NRG3: variants seen among roughly 807,000 people sequenced by gnomAD.
The protein encoded by NRG3 is pro-neuregulin-3, membrane-bound isoform.
In NRG3, 31 loss-of-function variants were observed where a neutral mutation model predicts 66.9. The observed-to-expected ratio is 0.46, with a 90% CI of 0.35 to 0.63. The LOEUF (loss-of-function observed/expected upper bound fraction) is 0.63, where lower values mean the gene tolerates loss of function less well. Ranked by LOEUF, NRG3 falls within the 20% of genes least tolerant of loss-of-function variation. The probability of loss-of-function intolerance (pLI) is 0.00; values close to 1 mark genes in which losing one functional copy is unlikely to be tolerated. For missense variants in NRG3, 910 were observed against 878.9 expected, an observed-to-expected ratio of 1.04 and a Z score of -0.45; for synonymous variants, 393 against 359.4, an observed-to-expected ratio of 1.09 and a Z score of -1.06.
At chr10:82,320,729 C>T (rs976113378) in intron 1 of NRG3, among the ~76,000 whole-genome samples, 3 of 152,120 alleles carry the variant, frequency 2.0e-5, no homozygotes, top group East Asian at 1.9e-4. Flanking sequence ...GGAAATACTG[C>T]GTAGAAGAGA....
chr10:82,166,270 T>C (rs2072053663), intron 1 of NRG3, among the ~76,000 whole-genome samples: 1 of 152,100 alleles, frequency 6.6e-6, no homozygotes, highest in Non-Finnish European at 1.5e-5. Flanking sequence ...CCGCCCGCCT[T>C]GGCCTCCCAA....
chr10:82,522,702 T>TAA (rs78673803), intron 2 of NRG3, among the ~76,000 whole-genome samples: 5 of 138,640 alleles, frequency 3.6e-5, no homozygotes, highest in African/African-American at 1.1e-4. Flanking sequence ...GCCTGTTTAC[T>TAA]AAAAAAAAAA....
intron 2 of NRG3, among the ~76,000 whole-genome samples, chr10:82,706,888 G>A (rs1189038346): frequency 6.6e-6 from 1 of 151,670 alleles, no homozygotes; most frequent in Admixed American, 6.6e-5. Context: ...CAGCTACTTG[G>A]GAGGCTGAAG....
At chr10:82,929,967 C>T (rs939297342) in intron 4 of NRG3, among the ~76,000 whole-genome samples, 1 of 152,136 alleles carries the variant, frequency 6.6e-6, no homozygotes. Flanking sequence ...TCTCGCAGAC[C>T]CCCCTGCTGG....
intron 1 of NRG3, among the ~76,000 whole-genome samples, chr10:82,243,227 A>G (rs920539744): frequency 2.0e-5 from 3 of 152,240 alleles, no homozygotes; most frequent in South Asian, 2.1e-4. Flanking sequence ...TGTAAAAAAT[A>G]TAACAGCCTT....
At chr10:81,912,171 A>G (rs1845232790) in intron 1 of NRG3, among the ~76,000 whole-genome samples, 1 of 152,026 alleles carries the variant, frequency 6.6e-6, no homozygotes. Flanking sequence ...GGATGTAGGT[A>G]TATGTGAGTG....
intron 3 of NRG3, among the ~76,000 whole-genome samples, chr10:82,830,034 T>C (rs2062438836): frequency 6.6e-6 from 1 of 152,306 alleles, no homozygotes; most frequent in South Asian, 2.1e-4. Flanking sequence ...TATCTTCTCA[T>C]GGTGATCTTT....
At chr10:81,917,803 A>G (rs1845850758) in intron 1 of NRG3, among the ~76,000 whole-genome samples, 1 of 152,202 alleles carries the variant, frequency 6.6e-6, no homozygotes, top group Admixed American at 6.5e-5. Context: ...TGTACTTGAC[A>G]GGGACAAAAC....
At chr10:82,571,374 TAATC>T (rs1160564647) in intron 2 of NRG3, among the ~76,000 whole-genome samples, 1 of 151,726 alleles carries the variant, frequency 6.6e-6, no homozygotes, top group Admixed American at 6.6e-5. Context: ...ATGAGTTTTG[TAATC>T]TGTTCAAGTT....
intron 1 of NRG3, among the ~76,000 whole-genome samples, chr10:81,893,964 C>G (rs1480248645): frequency 2.0e-5 from 3 of 152,138 alleles, no homozygotes; most frequent in Non-Finnish European, 4.4e-5. Flanking sequence ...CATGGAGTCC[C>G]CAGGTAACGT....
intron 2 of NRG3, among the ~76,000 whole-genome samples, chr10:82,683,578 A>C (rs1156704088): frequency 6.6e-6 from 1 of 152,234 alleles, no homozygotes; most frequent in African/African-American, 2.4e-5. Flanking sequence ...ATATTAAAGA[A>C]ATGGCTAAGG....
chr10:82,184,960 A>C (rs1243085288), intron 1 of NRG3, among the ~76,000 whole-genome samples: 1 of 152,190 alleles, frequency 6.6e-6, no homozygotes, highest in Non-Finnish European at 1.5e-5. Context: ...TTAAGCTGCT[A>C]ATTAATTGAC....
At chr10:82,548,314 CTAAT>C (rs930413164) in intron 2 of NRG3, among the ~76,000 whole-genome samples, 1 of 151,866 alleles carries the variant, frequency 6.6e-6, no homozygotes, top group Non-Finnish European at 1.5e-5. Flanking sequence ...CTTTCCTTGA[CTAAT>C]TAAGGCAATA....
At chr10:82,604,422 C>T (rs2047831135) in intron 2 of NRG3, among the ~76,000 whole-genome samples, 1 of 152,112 alleles carries the variant, frequency 6.6e-6, no homozygotes, top group South Asian at 2.1e-4. Flanking sequence ...CCACAGTTTG[C>T]TTATCCATTC....
intron 1 of NRG3, among the ~76,000 whole-genome samples, chr10:82,342,972 A>T (rs949958008): frequency 6.6e-6 from 1 of 152,024 alleles, no homozygotes; most frequent in African/African-American, 2.4e-5. Context: ...GTATGGTTTC[A>T]TCCGTCTGCA....
At chr10:82,545,334 G>A (rs973325110) in intron 2 of NRG3, among the ~76,000 whole-genome samples, 1 of 149,928 alleles carries the variant, frequency 6.7e-6, no homozygotes, top group Non-Finnish European at 1.5e-5. Flanking sequence ...TAAGGATATT[G>A]TAAATCTCCC....
intron 2 of NRG3, among the ~76,000 whole-genome samples, chr10:82,654,185 A>C (rs1356338584): frequency 1.3e-5 from 2 of 152,130 alleles, no homozygotes; most frequent in Non-Finnish European, 2.9e-5. Flanking sequence ...TCTTAAGTGA[A>C]GGTTGAAGGA....
At chr10:82,131,888 T>C (rs918150165) in intron 1 of NRG3, among the ~76,000 whole-genome samples, 4 of 152,152 alleles carry the variant, frequency 2.6e-5, no homozygotes, top group African/African-American at 7.2e-5. Context: ...GATTTTATGT[T>C]TTCCAACTTT....
chr10:81,955,361 A>G (rs1186640554), intron 1 of NRG3, among the ~76,000 whole-genome samples: 1 of 152,018 alleles, frequency 6.6e-6, no homozygotes, highest in South Asian at 2.1e-4. Context: ...TTTGAAGGCC[A>G]TCAGACAGGA....
Sources: gnomAD v4.1 joint callset for allele counts (sites outside exome capture counted in the v4.1 genomes callset) on GRCh38, gnomAD v4.1.1 for gene constraint, MANE v1.5 for transcripts, NCBI Gene and HGNC (gene_info 2026-07-23, HGNC 2026-07-21) for gene names.